LARP4: variants seen among roughly 807,000 people sequenced by gnomAD.
LARP4 encodes la-related protein 4.
LARP4 carries 29 observed loss-of-function variants against 92.9 expected under a neutral mutation model. The observed-to-expected ratio is 0.31, with a 90% confidence interval of 0.23 to 0.43. LARP4 has a LOEUF of 0.43. LARP4 is among the 20% of genes least tolerant of loss of function. The pLI is 1.00. For missense variants in LARP4, 732 were observed against 860.0 expected (o/e 0.85, Z 1.86); for synonymous variants, 279 against 284.1 (o/e 0.98, Z 0.18).
At chr12:50,407,016 A>G (rs1944968466) in intron 1 of LARP4, among the ~76,000 whole-genome samples, 1 of 147,148 alleles carries the variant, frequency 6.8e-6, no homozygotes, top group Admixed American at 6.8e-5. Flanking sequence ...CGCCCAGCCC[A>G]TCTTAACAGT....
At chr12:50,433,686 C>T (rs1476265507) in intron 4 of LARP4, among the ~76,000 whole-genome samples, 1 of 148,484 alleles carries the variant, frequency 6.7e-6, no homozygotes, top group Non-Finnish European at 1.5e-5. Flanking sequence ...ATTGCGTAGG[C>T]TGGAGTGCAG....
chr12:50,457,471 T>C (rs953875948), intron 10 of LARP4, among the ~76,000 whole-genome samples: 1 of 152,068 alleles, frequency 6.6e-6, no homozygotes, highest in Non-Finnish European at 1.5e-5. Flanking sequence ...CCTCCCAGAG[T>C]GCTGGCATTA....
At chr12:50,469,197 T>C (rs1273385066) in intron 13 of LARP4, among the ~76,000 whole-genome samples, 1 of 152,190 alleles carries the variant, frequency 6.6e-6, no homozygotes, top group African/African-American at 2.4e-5. Context: ...TATTCCACTG[T>C]CTTGTTTCTT....
rs989687326 is a variant in LARP4, at chr12:50,429,077, A to C, written c.309A>C (p.Ile103=). 6.2e-7 allele frequency: 1 copy of C among 1,611,966 alleles called. No individual in the cohort carries two copies. Among genetic ancestry groups the C allele is most frequent in the South Asian group, 1.1e-5 (1 of 90,576 alleles). ...ILGPEDLSYQ[I]YDVSGESNSA... Reference sequence around the variant, plus strand: ...GACCAGAAGATCTGAGTTACCAAATATATGATGTTTCCGGTAAACTTTATG... The same window carrying C: ...GACCAGAAGATCTGAGTTACCAAATCTATGATGTTTCCGGTAAACTTTATG... Residue 103 remains isoleucine (I), a synonymous_variant, in exon 3 of 16, where the codon ATA becomes ATC. Transcript: ENST00000398473.
chr12:50,448,565 T>C (rs1434505232), intron 8 of LARP4, among the ~76,000 whole-genome samples: 4 of 152,156 alleles, frequency 2.6e-5, no homozygotes, highest in East Asian at 1.9e-4. Flanking sequence ...CTTGCTCTTA[T>C]GCCCAGGCTG....
At chr12:50,419,131 C>G (rs1205505642) in intron 1 of LARP4, among the ~76,000 whole-genome samples, 1 of 151,918 alleles carries the variant, frequency 6.6e-6, no homozygotes, top group East Asian at 1.9e-4. Context: ...GAGGCTGATG[C>G]ATGAGGATCA....
chr12:50,410,754 TC>T (rs1187181268), intron 1 of LARP4, among the ~76,000 whole-genome samples: 1 of 152,128 alleles, frequency 6.6e-6, no homozygotes, highest in Non-Finnish European at 1.5e-5. Context: ...TGTTGAACTT[TC>T]TAGGGAGAAA....
rs1436242109 is a variant in LARP4 at position 50,470,469 on chromosome 12, T to C, written c.1546-2946T>C. ...TTTTTTTGAGATGGAGTTTTGCTCTTGTTGCCCAGGCTGGAGTGCAGTGGC... is the reference window on the plus strand; with the variant it reads ...TTTTTTTGAGATGGAGTTTTGCTCTCGTTGCCCAGGCTGGAGTGCAGTGGC... On this transcript the variant is annotated intron_variant, in intron 13 of 15. Coordinates refer to ENST00000398473, the MANE Select transcript of LARP4 (RefSeq NM_052879.5). Among the ~76,000 whole-genome samples the C allele has an allele frequency of 7.2e-5, 11 of 151,964 alleles. 1 individual carries two copies. The highest frequency in any genetic ancestry group is 7.2e-4 in the Admixed American group (11 of 15,216).
chr12:50,430,789 T>C (rs933617844), intron 4 of LARP4, among the ~76,000 whole-genome samples: 2 of 151,696 alleles, frequency 1.3e-5, no homozygotes, highest in African/African-American at 4.8e-5. Context: ...GCCTCCAGAG[T>C]AGCTGGGATT....
At chr12:50,447,362 T>C (rs950308957) in intron 8 of LARP4, among the ~76,000 whole-genome samples, 1 of 152,160 alleles carries the variant, frequency 6.6e-6, no homozygotes, top group Non-Finnish European at 1.5e-5. Context: ...ATATTATAGA[T>C]GTTGATGGCC....
chr12:50,449,191 C>T (rs1002249314), intron 8 of LARP4, among the ~76,000 whole-genome samples: 8 of 151,836 alleles, frequency 5.3e-5, no homozygotes, highest in African/African-American at 1.5e-4. Flanking sequence ...TGCAGTGAGC[C>T]GAGATCACAC....
intron 1 of LARP4, among the ~76,000 whole-genome samples, chr12:50,427,309 A>G (rs1272933118): frequency 6.7e-6 from 1 of 148,314 alleles, no homozygotes; most frequent in Admixed American, 6.6e-5. Flanking sequence ...AAAGTTATGT[A>G]AATAGTTTAA....
intron 10 of LARP4, among the ~76,000 whole-genome samples, chr12:50,456,670 A>G (rs1443287327): frequency 6.6e-6 from 1 of 151,802 alleles, no homozygotes; most frequent in Non-Finnish European, 1.5e-5. Context: ...CTTTCACTTT[A>G]CTTCTCTTTT....
At chr12:50,446,455 T>A (rs1379041824) in intron 8 of LARP4, among the ~76,000 whole-genome samples, 3 of 123,158 alleles carry the variant, frequency 2.4e-5, no homozygotes, top group East Asian at 5.1e-4. Context: ...ATAGACGGAG[T>A]CTCGCTCTGT....
At chr12:50,423,692 C>A (rs1401298481) in intron 1 of LARP4, among the ~76,000 whole-genome samples, 1 of 151,300 alleles carries the variant, frequency 6.6e-6, no homozygotes, top group Non-Finnish European at 1.5e-5. Context: ...CATGATCTGC[C>A]TGCCTTGGCC....
intron 8 of LARP4, among the ~76,000 whole-genome samples, chr12:50,444,736 A>G (rs757489461): frequency 5.9e-5 from 9 of 152,170 alleles, no homozygotes; most frequent in Non-Finnish European, 1.0e-4. Flanking sequence ...CTCATTTCCT[A>G]ATTTATTGAT....
chr12:50,460,987 G>C (rs559833224), intron 10 of LARP4, 148 bp from the exon 11 acceptor site: 26 of 669,966 alleles, frequency 3.9e-5, no homozygotes, highest in Middle Eastern at 7.7e-4. Flanking sequence ...GAATGTAAAA[G>C]GGGCAACACT....
At chr12:50,427,988 C>CAT in intron 2 of LARP4, 79 bp downstream of exon 2, 19 of 499,804 alleles carry the variant, frequency 3.8e-5, no homozygotes, top group Non-Finnish European at 5.0e-5. Context: ...ACTTGAGACA[C>CAT]ATCTCTTTTT....
intron 6 of LARP4, 50 bp downstream of exon 6, chr12:50,437,888 A>G: frequency 1.6e-6 from 2 of 1,259,312 alleles, no homozygotes; most frequent in Non-Finnish European, 2.3e-6. Flanking sequence ...TTAAATTAAA[A>G]GAGGTTTCTT....
Sources: allele counts gnomAD v4.1 joint callset (sites outside exome capture counted in the v4.1 genomes callset), GRCh38; gene constraint gnomAD v4.1.1; transcripts MANE v1.5; gene names NCBI Gene and HGNC (gene_info 2026-07-23, HGNC 2026-07-21).